Variants in LRFN5 observed in about 807,000 individuals in gnomAD.
LRFN5 encodes the protein leucine-rich repeat and fibronectin type-III domain-containing protein 5.
In LRFN5, 24 loss-of-function variants were observed where a neutral mutation model predicts 45.6. The observed-to-expected ratio is 0.53, with a 90% CI of 0.38 to 0.74. The LOEUF is 0.74. Among genes scored for constraint, LRFN5 ranks in the 30% least tolerant of loss-of-function variants. The pLI is 0.00. For missense variants in LRFN5, 776 were observed against 861.5 expected, an observed-to-expected ratio of 0.90 and a Z score of 1.24; for synonymous variants, 340 against 313.8, an observed-to-expected ratio of 1.08 and a Z score of -0.88.
intron 1 of LRFN5, among the ~76,000 whole-genome samples, chr14:41,627,618 A>G (rs1169147972): frequency 6.6e-6 from 1 of 152,094 alleles, no homozygotes; most frequent in Non-Finnish European, 1.5e-5. Flanking sequence ...TTCCATAGCT[A>G]TATTTATGTT....
Position 41,676,538 on chromosome 14 carries a change from T to C in LRFN5, c.-197+67976T>C, listed in dbSNP as rs547692772. Among the ~76,000 whole-genome samples, 6 of 152,194 alleles carry C rather than the reference T, an allele frequency of 3.9e-5. No individual in the cohort carries two copies. In the East Asian group the frequency reaches 1.2e-3, roughly 29 times the overall value. On this transcript the variant is annotated intron_variant, in intron 1 of 5. Transcript: ENST00000298119. ...AATGTCAAAGAAACAAAAAATTCAA[T>C]GGTGGTGAGAACCAGGGAAACAGAC...
chr14:41,689,223 C>T (rs1016635432), intron 1 of LRFN5, among the ~76,000 whole-genome samples: 12 of 151,938 alleles, frequency 7.9e-5, no homozygotes, highest in East Asian at 3.9e-4. Flanking sequence ...ATATTGAACA[C>T]GGCAAATAGT....
chr14:41,859,444 C>A (rs1421759002), intron 2 of LRFN5, among the ~76,000 whole-genome samples: 1 of 152,166 alleles, frequency 6.6e-6, no homozygotes, highest in African/African-American at 2.4e-5. Flanking sequence ...AGACCATTAA[C>A]CCTAATGTTT....
At chr14:41,674,796 A>G (rs1881515472) in intron 1 of LRFN5, among the ~76,000 whole-genome samples, 1 of 147,642 alleles carries the variant, frequency 6.8e-6, no homozygotes, top group African/African-American at 2.5e-5. Context: ...GAGGCTCCTC[A>G]CTTCTCAGAG....
At chr14:41,751,252 G>T (rs1423583265) in intron 1 of LRFN5, among the ~76,000 whole-genome samples, 1 of 152,014 alleles carries the variant, frequency 6.6e-6, no homozygotes, top group Non-Finnish European at 1.5e-5. Flanking sequence ...CTCTAAAGAA[G>T]AAAATCAAAT....
intron 1 of LRFN5, among the ~76,000 whole-genome samples, chr14:41,624,819 C>A (rs138989993): frequency 6.6e-6 from 1 of 152,064 alleles, no homozygotes; most frequent in East Asian, 1.9e-4. Flanking sequence ...CATACATGCA[C>A]GTAGACATTC....
chr14:41,764,181 G>T (rs7146404), intron 1 of LRFN5, among the ~76,000 whole-genome samples: 95,534 of 151,922 alleles, frequency 0.63, 31,129 homozygotes, highest in East Asian at 0.95. Context: ...TTTTGAAAAT[G>T]TCACTTACAT....
intron 1 of LRFN5, among the ~76,000 whole-genome samples, chr14:41,655,037 T>G (rs1218678063): frequency 6.6e-6 from 1 of 152,102 alleles, no homozygotes; most frequent in Non-Finnish European, 1.5e-5. Flanking sequence ...GGATGTATAC[T>G]GTAATGCTTA....
At chr14:41,858,562 G>T (rs974981907) in intron 2 of LRFN5, among the ~76,000 whole-genome samples, 1 of 151,900 alleles carries the variant, frequency 6.6e-6, no homozygotes, top group African/African-American at 2.4e-5. Flanking sequence ...GCCTTGCATG[G>T]GACTGGACAA....
At chr14:41,889,267 A>G (rs1160404628) in intron 3 of LRFN5, among the ~76,000 whole-genome samples, 2 of 151,906 alleles carry the variant, frequency 1.3e-5, no homozygotes, top group Non-Finnish European at 2.9e-5. Context: ...AGGCAAAATT[A>G]AACCTATCCT....
At chr14:41,635,066 A>G (rs1299679062) in intron 1 of LRFN5, among the ~76,000 whole-genome samples, 2 of 152,144 alleles carry the variant, frequency 1.3e-5, no homozygotes, top group Non-Finnish European at 2.9e-5. Context: ...GAGTATAATC[A>G]GTAAGTTGCT....
chr14:41,661,594 A>T (rs773084794), intron 1 of LRFN5, among the ~76,000 whole-genome samples: 3 of 152,088 alleles, frequency 2.0e-5, no homozygotes, highest in Non-Finnish European at 4.4e-5. Flanking sequence ...GCTAATACTC[A>T]TAGTCCTTAT....
chr14:41,726,028 C>T (rs1393297398), intron 1 of LRFN5, among the ~76,000 whole-genome samples: 4 of 152,124 alleles, frequency 2.6e-5, no homozygotes, highest in South Asian at 4.1e-4. Context: ...TTTTTAAACA[C>T]GATTGCTCTC....
chr14:41,815,347 A>G (rs941089399), intron 2 of LRFN5, among the ~76,000 whole-genome samples: 1 of 152,144 alleles, frequency 6.6e-6, no homozygotes, highest in Non-Finnish European at 1.5e-5. Flanking sequence ...TTTGAAATCA[A>G]TATAGCTACT....
intron 2 of LRFN5, among the ~76,000 whole-genome samples, chr14:41,858,122 C>T (rs924606803): frequency 3.9e-5 from 6 of 152,036 alleles, no homozygotes; most frequent in African/African-American, 1.4e-4. Flanking sequence ...ACGTATGGAG[C>T]CAGCTGTAGG....
At chr14:41,899,288 T>C (rs1381535578) in intron 5 of LRFN5, among the ~76,000 whole-genome samples, 2 of 152,122 alleles carry the variant, frequency 1.3e-5, no homozygotes, top group African/African-American at 4.8e-5. Context: ...TTTCCAAATG[T>C]GAAGACAGTA....
intron 1 of LRFN5, among the ~76,000 whole-genome samples, chr14:41,635,802 A>G (rs1302212962): frequency 6.6e-6 from 1 of 152,158 alleles, no homozygotes; most frequent in Non-Finnish European, 1.5e-5. Flanking sequence ...ATATTTATGT[A>G]TGTTTTTCCT....
chr14:41,664,191 G>T (rs1225311802), intron 1 of LRFN5, among the ~76,000 whole-genome samples: 1 of 151,952 alleles, frequency 6.6e-6, no homozygotes, highest in Non-Finnish European at 1.5e-5. Context: ...TGCTGTCATG[G>T]GAAGTTGCTA....
At chr14:41,732,970 G>C (rs1317105915) in intron 1 of LRFN5, among the ~76,000 whole-genome samples, 1 of 151,446 alleles carries the variant, frequency 6.6e-6, no homozygotes, top group Non-Finnish European at 1.5e-5. Context: ...GGGATTTATA[G>C]AAAGATTTCA....
Sources: allele counts gnomAD v4.1 joint callset (sites outside exome capture counted in the v4.1 genomes callset), GRCh38; gene constraint gnomAD v4.1.1; transcripts MANE v1.5; gene names NCBI Gene and HGNC (gene_info 2026-07-23, HGNC 2026-07-21).